Variants in TMC5 observed in about 807,000 individuals in gnomAD.
TMC5 encodes the protein transmembrane channel like 5, also known as transmembrane channel-like protein 5.
In TMC5, 86 loss-of-function variants were observed where a neutral mutation model predicts 110.5. The ratio of observed to expected loss-of-function variants is 0.78; its 90% CI spans 0.65 to 0.93. The LOEUF (loss-of-function observed/expected upper bound fraction) is 0.93, where lower values mean the gene tolerates loss of function less well. Ranked by LOEUF, TMC5 falls within the 40% of genes least tolerant of loss-of-function variation. The pLI, the probability that TMC5 is intolerant of heterozygous loss-of-function variation, is 0.00. For synonymous variants in TMC5, 455 were observed against 439.5 expected, an observed-to-expected ratio of 1.04 and a Z score of -0.44; for missense variants, 1,144 against 1,222.8, an observed-to-expected ratio of 0.94 and a Z score of 0.96.
chr16:19,425,330 T>C (rs886766498), intron 1 of TMC5, among the ~76,000 whole-genome samples: 2 of 134,180 alleles, frequency 1.5e-5, no homozygotes, highest in Admixed American at 7.1e-5. Flanking sequence ...GAGTTTGCTT[T>C]TTTTTTTTTT....
chr16:19,420,169 G>C (rs1409982729), intron 1 of TMC5, among the ~76,000 whole-genome samples: 1 of 152,074 alleles, frequency 6.6e-6, no homozygotes, highest in Non-Finnish European at 1.5e-5. Context: ...GGTCACGTCT[G>C]TAATCCCAGC....
intron 17 of TMC5, among the ~76,000 whole-genome samples, chr16:19,488,408 C>G (rs899518014): frequency 2.0e-5 from 3 of 152,052 alleles, no homozygotes; most frequent in African/African-American, 4.8e-5. Context: ...AGATGCCCCC[C>G]CACCCCGTTC....
rs962227768 is a variant in TMC5 at position 19,460,485 on chromosome 16, C to T, written c.1148+151C>T. 5 of 557,548 alleles carry T rather than the reference C, an allele frequency of 9.0e-6. No homozygotes were observed. In the Admixed American group the frequency reaches 1.6e-4, roughly 18 times the overall value. The allele number at this position is 557,548 out of a possible 1,614,324, so 34.5% of individuals were successfully genotyped here. A position where few individuals can be genotyped will look rare whatever the true frequency, so the allele number is the denominator to read the frequency against. Reference sequence around the variant, plus strand: ...AAATTTCAAATGCCCTCTGTAGGTACTCCTTTCTCCAGGGGCTACAGCTTA... The same window carrying T: ...AAATTTCAAATGCCCTCTGTAGGTATTCCTTTCTCCAGGGGCTACAGCTTA... On this transcript the variant is annotated intron_variant, in intron 6 of 21. Coordinates refer to ENST00000542583, the MANE Select transcript of TMC5 (RefSeq NM_001261841.2).
At position 19,457,709 on chromosome 16, in the gene TMC5, C is replaced by CTTTTTTTTTTTTTTTT. The variant is rs573979829; in HGVS notation, c.1049-2507_1049-2492dup. 6.1e-4 allele frequency among the ~76,000 whole-genome samples: 27 copies of CTTTTTTTTTTTTTTTT among 43,920 alleles called. 8 individuals are homozygous for CTTTTTTTTTTTTTTTT. The highest frequency in any genetic ancestry group is 1.2e-3 in the Non-Finnish European group (23 of 18,946). 28.8% of individuals were successfully genotyped at this position (43,920 alleles called of 152,430 possible). ...TCTATCTGATTCCCAAGACTACATT[C>CTTTTTTTTTTTTTTTT]TTTTTTTTTTTTTTTTTTTTTTTTT... On this transcript the variant is annotated intron_variant, in intron 5 of 21. Coordinates refer to ENST00000542583, the MANE Select transcript of TMC5 (RefSeq NM_001261841.2).
At chr16:19,454,146 C>A (rs1476709382) in intron 5 of TMC5, among the ~76,000 whole-genome samples, 1 of 152,152 alleles carries the variant, frequency 6.6e-6, no homozygotes, top group East Asian at 1.9e-4. Flanking sequence ...CTCCTGAGTT[C>A]AAGCAATTCT....
intron 15 of TMC5, among the ~76,000 whole-genome samples, chr16:19,482,995 C>T (rs1968654530): frequency 6.6e-6 from 1 of 152,062 alleles, no homozygotes; most frequent in Non-Finnish European, 1.5e-5. Flanking sequence ...TCCCAAGTAG[C>T]TGGGACTACA....
chr16:19,434,189 AAT>A (rs72088126), intron 2 of TMC5, among the ~76,000 whole-genome samples: 36,144 of 57,096 alleles, frequency 0.63, 10,448 homozygotes, highest in African/African-American at 0.74. Flanking sequence ...TTAGATATAT[AAT>A]ATATATATCT....
chr16:19,481,214 T>C (rs779488484), intron 14 of TMC5, among the ~76,000 whole-genome samples, 156 bp from the exon 15 acceptor site: 1 of 152,164 alleles, frequency 6.6e-6, no homozygotes, highest in Non-Finnish European at 1.5e-5. Context: ...TTCAAAAACA[T>C]GCTTATAGAT....
At chr16:19,479,959 A>G (rs946836973) in intron 14 of TMC5, among the ~76,000 whole-genome samples, 3 of 151,864 alleles carry the variant, frequency 2.0e-5, no homozygotes, top group African/African-American at 7.2e-5. Flanking sequence ...AAGAAGAAGA[A>G]GAAAAAGGCA....
Position 19,440,241 on chromosome 16 carries a change from C to T in TMC5, c.203C>T (p.Ser68Phe), listed in dbSNP as rs1001468963. The change falls in exon 3 of 22, where the codon TCT becomes TTT. Residue 68 changes from serine to phenylalanine, a missense_variant. Coordinates refer to ENST00000542583, the MANE Select transcript of TMC5 (RefSeq NM_001261841.2). The stretch of plus-strand genomic sequence containing the variant: ...AGAACACGTCCAGACTATCCTGGGT[C>T]TCTGGCAGAACCAAATTATCCTAGA... ...ASRTRPDYPG[S>F]LAEPNYPRSL... The T allele has an allele frequency of 3.7e-6, 6 of 1,614,056 alleles. No homozygotes were observed. The highest frequency in any genetic ancestry group is 2.2e-5 in the South Asian group (2 of 91,082).
intron 20 of TMC5, among the ~76,000 whole-genome samples, chr16:19,496,195 T>C (rs1183294181): frequency 6.6e-6 from 1 of 151,832 alleles, no homozygotes; most frequent in Non-Finnish European, 1.5e-5. Context: ...TTTTTGTGAA[T>C]ATTTCTGCCA....
At chr16:19,417,411 G>A (rs1370658735), upstream of TMC5, among the ~76,000 whole-genome samples, 7 of 122,526 alleles carry the variant, frequency 5.7e-5, no homozygotes, top group Admixed American at 5.7e-4. Context: ...AGAGGGCAAC[G>A]CTGTCTCAAA....
rs1555486833 is a variant in TMC5, at chr16:19,492,915, G to GAGATATATATATATATATATATATATAT, written c.2826+688_2826+689insGATATATATATATATATATATATATATA. Reference sequence around the variant, plus strand: ...ATTATTTTTTATTTATTAAAACTTAGATATATATATATATATATCTCTCTA... The same window carrying GAGATATATATATATATATATATATATAT: ...ATTATTTTTTATTTATTAAAACTTAGAGATATATATATATATATATATATATATATATATATATATATATATCTCTCTA... On this transcript the variant is annotated intron_variant, in intron 19 of 21. Coordinates refer to ENST00000542583, the MANE Select transcript of TMC5 (RefSeq NM_001261841.2). Among the ~76,000 whole-genome samples, 11 of 42,786 alleles carry GAGATATATATATATATATATATATATAT rather than the reference G, an allele frequency of 2.6e-4. 1 individual carries two copies. Among genetic ancestry groups the GAGATATATATATATATATATATATATAT allele is most frequent in the East Asian group, 7.2e-4 (2 of 2,774 alleles). The allele number at this position is 42,786 out of a possible 152,430, so 28.1% of individuals were successfully genotyped here. A position where few individuals can be genotyped will look rare whatever the true frequency, so the allele number is the denominator to read the frequency against.
intron 11 of TMC5, among the ~76,000 whole-genome samples, chr16:19,473,351 A>C: frequency 1.1e-5 from 1 of 87,752 alleles, no homozygotes; most frequent in African/African-American, 8.3e-5. Context: ...GGCTCAAAAA[A>C]AAAAAAAAAA....
chr16:19,486,325 C>T (rs1968739794), intron 15 of TMC5, among the ~76,000 whole-genome samples: 1 of 152,128 alleles, frequency 6.6e-6, no homozygotes, highest in Non-Finnish European at 1.5e-5. Flanking sequence ...CGGCCATCTT[C>T]TCCCCATGTC....
upstream of TMC5, among the ~76,000 whole-genome samples, chr16:19,413,836 C>G (rs1966864307): frequency 1.3e-5 from 2 of 152,288 alleles, no homozygotes; most frequent in South Asian, 4.1e-4. Flanking sequence ...CTGCCACTTT[C>G]TTGCTGTGTG....
At chr16:19,488,563 C>T (rs555239559) in intron 17 of TMC5, among the ~76,000 whole-genome samples, 47 of 152,186 alleles carry the variant, frequency 3.1e-4, no homozygotes, top group African/African-American at 1.1e-3. Context: ...CCAGCAAGCC[C>T]CTCCCAACAA....
At chr16:19,451,773 A>G (rs1967754634) in intron 5 of TMC5, among the ~76,000 whole-genome samples, 1 of 151,928 alleles carries the variant, frequency 6.6e-6, no homozygotes, top group African/African-American at 2.4e-5. Context: ...CCCCAGCCAC[A>G]TGTCCAGGCC....
chr16:19,472,556 G>A (rs930325952), intron 11 of TMC5, among the ~76,000 whole-genome samples: 1 of 152,124 alleles, frequency 6.6e-6, no homozygotes, highest in African/African-American at 2.4e-5. Flanking sequence ...TGTAGTTCTG[G>A]CTACAGTGGT....
Sources: gnomAD v4.1 joint callset for allele counts (sites outside exome capture counted in the v4.1 genomes callset) on GRCh38, gnomAD v4.1.1 for gene constraint, MANE v1.5 for transcripts, NCBI Gene and HGNC (gene_info 2026-07-23, HGNC 2026-07-21) for gene names.